Variants in ARL5B observed in about 807,000 individuals in gnomAD.
ARL5B encodes ARF like GTPase 5B, also known as ADP-ribosylation factor-like protein 5B.
ARL5B carries 10 observed loss-of-function variants against 26.9 expected under a neutral mutation model. The observed-to-expected ratio is 0.37, with a 90% CI of 0.23 to 0.63. The LOEUF (loss-of-function observed/expected upper bound fraction) is 0.63, where lower values mean the gene tolerates loss of function less well. Ranked by LOEUF, ARL5B falls within the 30% of genes least tolerant of loss-of-function variation. The pLI, the probability that ARL5B is intolerant of heterozygous loss-of-function variation, is 0.62. For missense variants in ARL5B, 167 were observed against 213.9 expected (o/e 0.78, Z 1.37); for synonymous variants, 87 against 70.4 (o/e 1.24, Z -1.18).
chr10:18,670,033 A>G (rs2059879744), intron 3 of ARL5B, among the ~76,000 whole-genome samples: 1 of 151,236 alleles, frequency 6.6e-6, no homozygotes, highest in Non-Finnish European at 1.5e-5. Context: ...GGAAGGGAAG[A>G]GGTAGAAAAG....
chr10:18,662,481 A>G (rs1209693298), intron 1 of ARL5B, among the ~76,000 whole-genome samples: 1 of 152,250 alleles, frequency 6.6e-6, no homozygotes, highest in East Asian at 1.9e-4. Context: ...TTCGACAGTT[A>G]TTATTCAAGG....
In ARL5B at chr10:18,678,867, C is replaced by G. The variant is rs1265594905; in HGVS notation, c.*3651C>G. On this transcript the variant is annotated 3_prime_UTR_variant, in exon 6 of 6. Transcript: ENST00000377275. ...GGCCGTTTCTCAATTGTCTAGTTGA[C>G]CTTAGACAATTAGTGTCCATGGCTT... 3 of 151,708 alleles carry G rather than the reference C, an allele frequency of 2.0e-5. No individual in the cohort carries two copies. Among genetic ancestry groups the G allele is most frequent in the Non-Finnish European group, 4.4e-5 (3 of 67,782 alleles). 9.4% of individuals were successfully genotyped at this position (151,708 alleles called of 1,614,324 possible).
intron 1 of ARL5B, among the ~76,000 whole-genome samples, chr10:18,664,798 CATT>C (rs2059853777): frequency 6.6e-6 from 1 of 152,074 alleles, no homozygotes; most frequent in African/African-American, 2.4e-5. Flanking sequence ...CAAAATGGTG[CATT>C]ATTGGTGAGT....
rs973430861 is a variant in ARL5B at position 18,678,427 on chromosome 10, G to A, written c.*3211G>A. Reference sequence around the variant, plus strand: ...TATGGAAACAGTGATAGGCAGTGCTGTAAACAATATTCTCTGAAAAGTTGT... The same window carrying A: ...TATGGAAACAGTGATAGGCAGTGCTATAAACAATATTCTCTGAAAAGTTGT... On this transcript the variant is annotated 3_prime_UTR_variant, in exon 6 of 6. Coordinates refer to ENST00000377275, the MANE Select transcript of ARL5B (RefSeq NM_178815.5). The A allele has an allele frequency of 2.0e-5, 3 of 151,860 alleles. No individual in the cohort carries two copies. The highest frequency in any genetic ancestry group is 6.6e-5 in the Admixed American group (1 of 15,246). The allele number at this position is 151,860 out of a possible 1,614,324, so 9.4% of individuals were successfully genotyped here.
chr10:18,671,661 C>T (rs1246048234), intron 3 of ARL5B, among the ~76,000 whole-genome samples: 3 of 150,428 alleles, frequency 2.0e-5, no homozygotes, highest in South Asian at 4.2e-4. Flanking sequence ...TCCTCCCCCT[C>T]ACCCACCCCC....
intron 2 of ARL5B, among the ~76,000 whole-genome samples, chr10:18,667,319 A>G (rs1453432810): frequency 2.0e-5 from 3 of 152,198 alleles, no homozygotes; most frequent in Non-Finnish European, 4.4e-5. Context: ...CCATCAGCTC[A>G]CCAGAAGTAC....
Position 18,673,354 on chromosome 10 carries a change from C to T in ARL5B, c.340-630C>T, listed in dbSNP as rs118157434. ...GGATTACAGGTGTGAGCCACTGTGC[C>T]TGGCCTGTATTCCATGTTTTTCAAA... is the stretch of plus-strand genomic sequence containing the variant. On this transcript the variant is annotated intron_variant, in intron 4 of 5. Coordinates refer to ENST00000377275, the MANE Select transcript of ARL5B (RefSeq NM_178815.5). Among the ~76,000 whole-genome samples the T allele has an allele frequency of 5.0e-3, 755 of 152,232 alleles. 2 individuals are homozygous for T. The highest frequency in any genetic ancestry group is 8.6e-3 in the Non-Finnish European group (585 of 68,002).
chr10:18,665,781 C>T (rs1424151841), intron 1 of ARL5B, among the ~76,000 whole-genome samples: 1 of 152,126 alleles, frequency 6.6e-6, no homozygotes, highest in African/African-American at 2.4e-5. Flanking sequence ...CTTTAGTATA[C>T]TTGGCATAAG....
intron 2 of ARL5B, 57 bp downstream of exon 2, chr10:18,666,692 C>A: frequency 7.2e-7 from 1 of 1,390,192 alleles, no homozygotes; most frequent in Non-Finnish European, 9.9e-7. Context: ...AATGTGTTTA[C>A]AATTAATAAG....
intron 1 of ARL5B, among the ~76,000 whole-genome samples, chr10:18,665,608 A>T (rs1340869602): frequency 6.6e-6 from 1 of 152,146 alleles, no homozygotes. Flanking sequence ...CAGAATGTTG[A>T]CATTCACCAG....
rs1440771421 is a variant in ARL5B, at chr10:18,676,453, T to G, written c.*1237T>G. 6.6e-6 allele frequency: 1 copy of G among 151,980 alleles called. No homozygotes were observed. The highest frequency in any genetic ancestry group is 1.5e-5 in the Non-Finnish European group (1 of 67,868). The allele number at this position is 151,980 out of a possible 1,614,324, so 9.4% of individuals were successfully genotyped here. On this transcript the variant is annotated 3_prime_UTR_variant, in exon 6 of 6. Coordinates refer to ENST00000377275, the MANE Select transcript of ARL5B (RefSeq NM_178815.5). The stretch of plus-strand genomic sequence containing the variant: ...AAGTCATAATCTATCAAAAGTTTAT[T>G]TATTGGATGGCATTAAAACATTTTT...
rs2059927630 is a variant in ARL5B, at chr10:18,680,439, A to G, written c.*5223A>G. ...AAAGGAGAAATCCTAAATTTGATGG[A>G]TTCTTTTATACTGTGAATATATTTC... is the stretch of plus-strand genomic sequence containing the variant. On this transcript the variant is annotated 3_prime_UTR_variant, in exon 6 of 6. Coordinates refer to ENST00000377275, the MANE Select transcript of ARL5B (RefSeq NM_178815.5). 6.6e-6 allele frequency: 1 copy of G among 152,098 alleles called. No homozygotes were observed. Among genetic ancestry groups the G allele is most frequent in the Non-Finnish European group, 1.5e-5 (1 of 67,962 alleles). 9.4% of individuals were successfully genotyped at this position (152,098 alleles called of 1,614,324 possible).
At chr10:18,660,303 A>G (rs2059825330) in intron 1 of ARL5B, among the ~76,000 whole-genome samples, 1 of 152,136 alleles carries the variant, frequency 6.6e-6, no homozygotes, top group Admixed American at 6.5e-5. Flanking sequence ...ATTAGTCTGT[A>G]ACAGGTAATG....
intron 3 of ARL5B, among the ~76,000 whole-genome samples, chr10:18,672,076 T>G (rs1036939720): frequency 6.6e-6 from 1 of 152,222 alleles, no homozygotes; most frequent in African/African-American, 2.4e-5. Context: ...CAGTATATAA[T>G]GCCTAAGTAT....
Position 18,666,643 on chromosome 10 carries a change from T to C in ARL5B, c.107+8T>C. The C allele has an allele frequency of 6.3e-7, 1 of 1,598,992 alleles. No homozygotes were observed. Among genetic ancestry groups the C allele is most frequent in the Non-Finnish European group, 8.5e-7 (1 of 1,169,830 alleles). On this transcript the variant is annotated splice_region_variant and intron_variant, in intron 2 of 5. Transcript: ENST00000377275. ...CACCATTCTTTACCAATTGTAAGTATGGGTGTTTATTAAACAGTTTTCACT... is the reference window on the plus strand; with the variant it reads ...CACCATTCTTTACCAATTGTAAGTACGGGTGTTTATTAAACAGTTTTCACT...
intron 3 of ARL5B, 127 bp downstream of exon 3, chr10:18,668,804 TCTGTCG>T: frequency 9.9e-7 from 1 of 1,010,730 alleles, no homozygotes; most frequent in Non-Finnish European, 1.4e-6. Flanking sequence ...GGAGTCTTGC[TCTGTCG>T]CCAGGCTAGA....
At chr10:18,667,572 T>C (rs184964499) in intron 2 of ARL5B, among the ~76,000 whole-genome samples, 14 of 152,276 alleles carry the variant, frequency 9.2e-5, no homozygotes, top group African/African-American at 3.1e-4. Context: ...CCCAAGAGAA[T>C]TGCAAGCCTC....
At chr10:18,674,211 C>A in intron 5 of ARL5B, 76 bp downstream of exon 5, 1 of 1,389,686 alleles carries the variant, frequency 7.2e-7, no homozygotes, top group Non-Finnish European at 9.8e-7. Context: ...TTGTTTTCTT[C>A]ATGGGTCCTG....
At chr10:18,664,093 A>G (rs941737720) in intron 1 of ARL5B, among the ~76,000 whole-genome samples, 9 of 152,158 alleles carry the variant, frequency 5.9e-5, no homozygotes, top group South Asian at 2.1e-4. Flanking sequence ...AACTAGGACT[A>G]TAGGCACCTG....
Sources: allele counts gnomAD v4.1 joint callset (sites outside exome capture counted in the v4.1 genomes callset), GRCh38; gene constraint gnomAD v4.1.1; transcripts MANE v1.5; gene names NCBI Gene and HGNC (gene_info 2026-07-23, HGNC 2026-07-21).